Variants in RBFOX1 observed in about 807,000 individuals in gnomAD.
The protein encoded by RBFOX1 is RNA binding fox-1 homolog 1, also known as RNA binding protein fox-1 homolog 1.
Under a neutral mutation model 57.7 loss-of-function variants are expected in RBFOX1, and 8 were observed. The ratio of observed to expected loss-of-function variants is 0.14; its 90% CI spans 0.08 to 0.25. The LOEUF is 0.25. Among genes scored for constraint, RBFOX1 ranks in the 10% least tolerant of loss-of-function variants. RBFOX1 has a pLI of 1.00. For missense variants in RBFOX1, 611 were observed against 548.5 expected (o/e 1.11, Z -1.14); for synonymous variants, 326 against 222.4 (o/e 1.47, Z -4.15).
At chr16:7,115,393 G>T (rs1388147165) in intron 4 of RBFOX1, among the ~76,000 whole-genome samples, 1 of 152,204 alleles carries the variant, frequency 6.6e-6, no homozygotes, top group Non-Finnish European at 1.5e-5. Context: ...ATGGAAAACA[G>T]AAACTAATTC....
intron 4 of RBFOX1, among the ~76,000 whole-genome samples, chr16:7,196,811 T>A (rs1339210346): frequency 2.0e-5 from 3 of 151,974 alleles, no homozygotes; most frequent in Admixed American, 2.0e-4. Context: ...CACAGATGAT[T>A]TATGGAAGGG....
intron 10 of RBFOX1, among the ~76,000 whole-genome samples, chr16:7,622,624 T>C (rs1055390491): frequency 1.1e-4 from 17 of 152,046 alleles, no homozygotes; most frequent in Non-Finnish European, 1.8e-4. Context: ...GTGGTGTATT[T>C]TTTTTTTGAA....
chr16:5,538,721 G>C (rs1251783638), intron 2 of RBFOX1, among the ~76,000 whole-genome samples: 2 of 151,702 alleles, frequency 1.3e-5, no homozygotes, highest in Non-Finnish European at 2.9e-5. Context: ...CGCCTTCCCG[G>C]ATTCAAGTGA....
At chr16:5,806,696 GTCA>G (rs1413094893) in intron 3 of RBFOX1, among the ~76,000 whole-genome samples, 1 of 152,208 alleles carries the variant, frequency 6.6e-6, no homozygotes, top group Non-Finnish European at 1.5e-5. Context: ...GCCAGGGACT[GTCA>G]TCAGTGGGAA....
At chr16:7,510,204 G>C in intron 4 of RBFOX1, 3 of 985,876 alleles carry the variant, frequency 3.0e-6, no homozygotes, top group Non-Finnish European at 3.6e-6. Flanking sequence ...TGCACAGCGC[G>C]CACACCCTCG....
intron 3 of RBFOX1, among the ~76,000 whole-genome samples, chr16:6,794,866 C>A (rs914269976): frequency 6.6e-6 from 1 of 151,870 alleles, no homozygotes; most frequent in Non-Finnish European, 1.5e-5. Flanking sequence ...CTTTTTTCCC[C>A]CTATGAAAAA....
chr16:7,381,750 G>T (rs1341438584), intron 4 of RBFOX1, among the ~76,000 whole-genome samples: 24 of 152,158 alleles, frequency 1.6e-4, no homozygotes, highest in Admixed American at 1.6e-3. Flanking sequence ...GTTGGCGTAG[G>T]CATTTGGATA....
chr16:6,778,859 C>T lies in RBFOX1; in HGVS notation c.-16+124209C>T. 1.4e-5 allele frequency among the ~76,000 whole-genome samples: 2 copies of T among 145,974 alleles called. 1 individual carries two copies. The highest frequency in any genetic ancestry group is 3.0e-5 in the Non-Finnish European group (2 of 67,208). On this transcript the variant is annotated intron_variant, in intron 3 of 15. Transcript: ENST00000550418. ...TAATTGAATACACATACACCACACA[C>T]TCTAGTTTTTTTTTTATTTTTAATT... is the stretch of plus-strand genomic sequence containing the variant.
intron 2 of RBFOX1, among the ~76,000 whole-genome samples, chr16:6,631,445 G>A (rs944355881): frequency 4.0e-5 from 6 of 151,792 alleles, no homozygotes; most frequent in Admixed American, 2.0e-4. Context: ...CAGTGACAGA[G>A]TGAGCTGTGT....
chr16:7,295,147 A>G (rs2095865097), intron 4 of RBFOX1, among the ~76,000 whole-genome samples: 1 of 152,318 alleles, frequency 6.6e-6, no homozygotes, highest in Non-Finnish European at 1.5e-5. Flanking sequence ...GACAAGGGTT[A>G]ATGTGTAAGC....
chr16:5,274,819 C>A (rs1050166168), intron 1 of RBFOX1, among the ~76,000 whole-genome samples: 1 of 152,202 alleles, frequency 6.6e-6, no homozygotes, highest in Non-Finnish European at 1.5e-5. Flanking sequence ...GGTCTCCTTA[C>A]CCTCTGTTTC....
chr16:5,870,597 C>G (rs1179233337), intron 4 of RBFOX1, among the ~76,000 whole-genome samples: 1 of 151,700 alleles, frequency 6.6e-6, no homozygotes, highest in Non-Finnish European at 1.5e-5. Context: ...CTCCCATTTC[C>G]CAGATGGAAC....
chr16:7,692,494 A>C (rs1340928946), intron 14 of RBFOX1, among the ~76,000 whole-genome samples: 2 of 152,184 alleles, frequency 1.3e-5, no homozygotes, highest in Non-Finnish European at 2.9e-5. Context: ...TAAGCATAAT[A>C]AAAATCTAAC....
intron 2 of RBFOX1, among the ~76,000 whole-genome samples, chr16:6,528,670 A>G (rs540183438): frequency 6.6e-6 from 1 of 152,316 alleles, no homozygotes; most frequent in East Asian, 1.9e-4. Context: ...CACTTGTGCT[A>G]GGCTTTGAGT....
chr16:7,579,054 G>A (rs1010935602), intron 5 of RBFOX1, among the ~76,000 whole-genome samples: 2 of 152,216 alleles, frequency 1.3e-5, no homozygotes, highest in Admixed American at 1.3e-4. Flanking sequence ...ATTCAGTATG[G>A]AAGCAATAAC....
intron 1 of RBFOX1, among the ~76,000 whole-genome samples, chr16:6,049,107 G>T (rs887297787): frequency 7.1e-6 from 1 of 141,260 alleles, no homozygotes; most frequent in African/African-American, 2.7e-5. Flanking sequence ...CTGTCGCCCA[G>T]GCTGGAGTGC....
At chr16:5,708,475 A>G (rs2051332911) in intron 3 of RBFOX1, among the ~76,000 whole-genome samples, 1 of 152,202 alleles carries the variant, frequency 6.6e-6, no homozygotes, top group Non-Finnish European at 1.5e-5. Context: ...TCAGGCTATT[A>G]GTAGATCCAC....
intron 3 of RBFOX1, among the ~76,000 whole-genome samples, chr16:6,788,549 C>A (rs1332932502): frequency 6.6e-6 from 1 of 151,846 alleles, no homozygotes; most frequent in Non-Finnish European, 1.5e-5. Context: ...GATCTCGGCT[C>A]ACTGCAAGCT....
chr16:6,320,906 G>A (rs1011360795), intron 2 of RBFOX1, among the ~76,000 whole-genome samples: 2 of 152,098 alleles, frequency 1.3e-5, no homozygotes, highest in African/African-American at 4.8e-5. Flanking sequence ...CGATTATCCT[G>A]CCTCAGCCTC....
Sources: allele counts gnomAD v4.1 joint callset (sites outside exome capture counted in the v4.1 genomes callset), GRCh38; gene constraint gnomAD v4.1.1; transcripts MANE v1.5; gene names NCBI Gene and HGNC (gene_info 2026-07-23, HGNC 2026-07-21).